Variants in FBXO31 observed in about 807,000 individuals in gnomAD.
FBXO31 encodes F-box only protein 31.
A neutral mutation model predicts 54.4 loss-of-function variants in FBXO31; 24 were observed. The ratio of observed to expected loss-of-function variants is 0.44; its 90% CI spans 0.32 to 0.62. FBXO31 has a LOEUF of 0.62. Ranked by LOEUF, FBXO31 falls within the 20% of genes least tolerant of loss-of-function variation. The pLI, the probability that FBXO31 is intolerant of heterozygous loss-of-function variation, is 0.05. For missense variants in FBXO31, 665 were observed against 787.1 expected (o/e 0.84, Z 1.86); for synonymous variants, 388 against 335.6 (o/e 1.16, Z -1.71).
At chr16:87,384,959 G>C (rs1041196098), upstream of FBXO31, among the ~76,000 whole-genome samples, 5 of 151,640 alleles carry the variant, frequency 3.3e-5, no homozygotes, top group African/African-American at 1.2e-4. Context: ...TGCATCACCT[G>C]AGGTCAGGAG....
chr16:87,355,393 C>T (rs1905847958), intron 2 of FBXO31, among the ~76,000 whole-genome samples: 1 of 152,186 alleles, frequency 6.6e-6, no homozygotes, highest in South Asian at 2.1e-4. Context: ...CATGAAGACA[C>T]ACTAAGAGCA....
In FBXO31 at chr16:87,383,667, G is replaced by A. The variant is rs1907190833; in HGVS notation, c.78C>T (p.Ala26=). The A allele has an allele frequency of 7.6e-7, 1 of 1,313,160 alleles. No homozygotes were observed. Among genetic ancestry groups the A allele is most frequent in the East Asian group, 3.2e-5 (1 of 31,200 alleles). The allele number at this position is 1,313,160 out of a possible 1,614,324, so 81.3% of individuals were successfully genotyped here. A position where few individuals can be genotyped will look rare whatever the true frequency, so the allele number is the denominator to read the frequency against. ...GCTCGCTGTCGGCCGCCGCCGTCTC[G>A]GCCGGGCCCCGGCGCTGCTGGCGGC... The part of the protein sequence containing the change: ...CRRRQQRRGP[A]ETAAADSEPD... Residue 26 remains alanine, a synonymous_variant, in exon 1 of 9, where the codon GCC becomes GCT. Coordinates refer to ENST00000311635, the MANE Select transcript of FBXO31 (RefSeq NM_024735.5). This position sits in a 1 kb window ranked among gnomAD's most constrained non-coding sequence, Gnocchi z 4.9.
At chr16:87,353,136 C>T (rs1165536366) in intron 2 of FBXO31, among the ~76,000 whole-genome samples, 1 of 152,184 alleles carries the variant, frequency 6.6e-6, no homozygotes, top group African/African-American at 2.4e-5. Flanking sequence ...GGGTCCACTC[C>T]CCGCCTTGTC....
intron 1 of FBXO31, among the ~76,000 whole-genome samples, chr16:87,381,021 G>A (rs935407970): frequency 1.3e-5 from 2 of 152,168 alleles, no homozygotes; most frequent in Non-Finnish European, 2.9e-5. Flanking sequence ...AGGTCTGGCC[G>A]CCTAATGGAG....
chr16:87,353,143 T>C (rs1249997671), intron 2 of FBXO31, among the ~76,000 whole-genome samples: 5 of 152,256 alleles, frequency 3.3e-5, no homozygotes, highest in African/African-American at 9.6e-5. Flanking sequence ...CTCCCCGCCT[T>C]GTCCAGCTTC....
At chr16:87,379,384 T>C (rs945536064) in intron 1 of FBXO31, among the ~76,000 whole-genome samples, 8 of 152,150 alleles carry the variant, frequency 5.3e-5, no homozygotes, top group Non-Finnish European at 1.2e-4. Flanking sequence ...ATGGGGTAGG[T>C]ACAAGGAGTG....
In FBXO31 at chr16:87,338,564, G is replaced by A. The variant is rs115578238; in HGVS notation, c.733-2300C>T. On this transcript the variant is annotated intron_variant, in intron 5 of 8. Coordinates refer to ENST00000311635, the MANE Select transcript of FBXO31 (RefSeq NM_024735.5). This position sits in a 1 kb window ranked among gnomAD's most constrained non-coding sequence, Gnocchi z 4.3. Reference sequence around the variant, plus strand: ...GAAAAGGCCAGGTCTGGGTGGGCCCGAGCGTCCCATTTCTCACAAGGACCC... The same window carrying A: ...GAAAAGGCCAGGTCTGGGTGGGCCCAAGCGTCCCATTTCTCACAAGGACCC... Among the ~76,000 whole-genome samples the A allele has an allele frequency of 0.02, 3,031 of 152,144 alleles. 54 individuals are homozygous for A. The highest frequency in any genetic ancestry group is 0.046 in the African/African-American group (1,928 of 41,498).
intron 2 of FBXO31, among the ~76,000 whole-genome samples, chr16:87,348,959 A>G (rs748467496): frequency 3.3e-5 from 5 of 152,222 alleles, no homozygotes; most frequent in Non-Finnish European, 7.3e-5. Flanking sequence ...GCAGCAGACC[A>G]AGCCTCGGCA....
At position 87,358,045 on chromosome 16, in the gene FBXO31, CAT is replaced by C. The variant is rs1905974024; in HGVS notation, c.412+2248_412+2249del. Among the ~76,000 whole-genome samples the C allele has an allele frequency of 1.3e-5, 2 of 152,180 alleles. 1 individual carries two copies. Among genetic ancestry groups the C allele is most frequent in the South Asian group, 4.1e-4 (2 of 4,830 alleles). On this transcript the variant is annotated intron_variant, in intron 2 of 8. Transcript: ENST00000311635. The surrounding 1 kb of genome is among the most constrained non-coding windows in gnomAD (Gnocchi z 4.0). ...TAATAAAGGTCAGAAGTCAAATATT[CAT>C]ATTTCACTTTAGAATAAAATTTTAA... is the stretch of plus-strand genomic sequence containing the variant.
chr16:87,330,148 G>A lies in FBXO31; in HGVS notation c.*1140C>T, dbSNP rs1387197478. 6.6e-6 allele frequency: 1 copy of A among 152,456 alleles called. No individual in the cohort carries two copies. Among genetic ancestry groups the A allele is most frequent in the Non-Finnish European group, 1.5e-5 (1 of 68,214 alleles). 9.4% of individuals were successfully genotyped at this position (152,456 alleles called of 1,614,324 possible). ...GGACACCGTGCTCTCTGTTCTTCAG[G>A]AGATGCCAACCTCAGCCAAGACCTC... On this transcript the variant is annotated 3_prime_UTR_variant, in exon 9 of 9. Coordinates refer to ENST00000311635, the MANE Select transcript of FBXO31 (RefSeq NM_024735.5).
At chr16:87,351,105 C>G (rs1905634302) in intron 2 of FBXO31, among the ~76,000 whole-genome samples, 1 of 152,190 alleles carries the variant, frequency 6.6e-6, no homozygotes, top group African/African-American at 2.4e-5. Context: ...CGCACAGACC[C>G]AGAGGGGACA....
intron 1 of FBXO31, among the ~76,000 whole-genome samples, chr16:87,381,046 A>G (rs1220335649): frequency 6.6e-6 from 1 of 152,252 alleles, no homozygotes; most frequent in Non-Finnish European, 1.5e-5. Flanking sequence ...TTCAAAGCAC[A>G]ACGACACATC....
chr16:87,390,980 G>A (rs1278455070), upstream of FBXO31, among the ~76,000 whole-genome samples: 4 of 152,000 alleles, frequency 2.6e-5, no homozygotes, highest in African/African-American at 9.7e-5. Flanking sequence ...TGGGATAGAA[G>A]AAAGGCTTTT....
At chr16:87,369,757 C>G (rs1906518202) in intron 1 of FBXO31, among the ~76,000 whole-genome samples, 1 of 152,086 alleles carries the variant, frequency 6.6e-6, no homozygotes, top group Non-Finnish European at 1.5e-5. Context: ...TACTGTTTTC[C>G]ACAGCGTGAC....
chr16:87,354,294 G>T (rs1421116153), intron 2 of FBXO31, among the ~76,000 whole-genome samples: 2 of 152,020 alleles, frequency 1.3e-5, no homozygotes, highest in African/African-American at 4.8e-5. Context: ...GTAACATAGG[G>T]AGCCCTTGTC....
chr16:87,383,437 G>T lies in FBXO31; in HGVS notation c.308C>A (p.Thr103Asn). 6.3e-7 allele frequency: 1 copy of T among 1,584,258 alleles called. No individual in the cohort carries two copies. Residue 103 changes from threonine (T) to asparagine (N), a missense_variant, in exon 1 of 9, where the codon ACC becomes AAC. Around this residue, in one of 4 missense-constraint regions of FBXO31, gnomAD observed 195 missense variants for 174.8 expected, o/e 1.12. Coordinates refer to ENST00000311635, the MANE Select transcript of FBXO31 (RefSeq NM_024735.5). This position sits in a 1 kb window ranked among gnomAD's most constrained non-coding sequence, Gnocchi z 4.9. ...GCAACGCCTCCTCCAGATGGTGTCG[G>T]TGTGGAGGATGCGCCGGAACTTCGT... is the stretch of plus-strand genomic sequence containing the variant. Reference protein sequence around the residue: ...VCTKFRRILHTDTIWRRRCRE... With the variant: ...VCTKFRRILHNDTIWRRRCRE...
At chr16:87,343,542 A>G in intron 4 of FBXO31, 56 bp downstream of exon 4, 1 of 1,542,750 alleles carries the variant, frequency 6.5e-7, no homozygotes, top group African/African-American at 1.4e-5. Context: ...GCCTGGCTGG[A>G]GCCCACACAG....
At chr16:87,383,989 G>A (rs1567492791), upstream of FBXO31, 1 of 230,718 alleles carries the variant, frequency 4.3e-6, no homozygotes, top group Non-Finnish European at 8.3e-6. This position sits in a 1 kb window ranked among gnomAD's most constrained non-coding sequence, Gnocchi z 4.9. Flanking sequence ...CATGAGAAAA[G>A]AAAGTGGTGA....
At chr16:87,369,738 G>A (rs900366710) in intron 1 of FBXO31, among the ~76,000 whole-genome samples, 2 of 152,112 alleles carry the variant, frequency 1.3e-5, no homozygotes, top group Non-Finnish European at 2.9e-5. Context: ...AATTTTTTAG[G>A]AACTACAATA....
Sources: allele counts gnomAD v4.1 joint callset (sites outside exome capture counted in the v4.1 genomes callset), GRCh38; gene constraint gnomAD v4.1.1; regional missense constraint gnomAD v4.1.1; non-coding constraint Gnocchi (gnomAD v3.1); transcripts MANE v1.5; gene names NCBI Gene and HGNC (gene_info 2026-07-23, HGNC 2026-07-21).